Variants in TENM3 observed in about 807,000 individuals in gnomAD.
The protein encoded by TENM3 is teneurin-3.
TENM3 carries 63 observed loss-of-function variants against 255.1 expected under a neutral mutation model. The ratio of observed to expected loss-of-function variants is 0.25; its 90% CI spans 0.20 to 0.30. TENM3 has a LOEUF of 0.30. Among genes scored for constraint, TENM3 ranks in the 10% least tolerant of loss-of-function variants. The probability of loss-of-function intolerance (pLI) is 1.00; values close to 1 mark genes in which losing one functional copy is unlikely to be tolerated. For missense variants in TENM3, 2,929 were observed against 3,461.1 expected (o/e 0.85, Z 3.86); for synonymous variants, 1,306 against 1,322.3 (o/e 0.99, Z 0.27).
chr4:181,571,364 TCTCA>T, the TENM3 span, among the ~76,000 whole-genome samples: 2 of 152,166 alleles, frequency 1.3e-5, no homozygotes, highest in East Asian at 1.9e-4. Context: ...AAAGACAGGG[TCTCA>T]CTCTGTTGCC....
At chr4:182,149,848 A>G (rs1300543978) in intron 1 of TENM3, among the ~76,000 whole-genome samples, 2 of 152,038 alleles carry the variant, frequency 1.3e-5, no homozygotes, top group Non-Finnish European at 2.9e-5. Flanking sequence ...ATTACTTACT[A>G]TTTGACCCAC....
At chr4:182,193,698 A>T (rs1371348688) in intron 1 of TENM3, among the ~76,000 whole-genome samples, 7 of 152,190 alleles carry the variant, frequency 4.6e-5, no homozygotes, top group Non-Finnish European at 1.0e-4. Flanking sequence ...ATTTGGGTAG[A>T]TGTGGATTTG....
At chr4:181,656,793 T>G in the TENM3 span, among the ~76,000 whole-genome samples, 2 of 152,146 alleles carry the variant, frequency 1.3e-5, no homozygotes, top group South Asian at 4.1e-4. Flanking sequence ...CAGAAACATC[T>G]CAAGGAAGCC....
chr4:181,931,451 C>T, the TENM3 span, among the ~76,000 whole-genome samples: 1 of 152,152 alleles, frequency 6.6e-6, no homozygotes, highest in African/African-American at 2.4e-5. Context: ...AGGAATACAA[C>T]TTACAAGGGA....
rs866246230 is a variant in TENM3 at position 182,784,292 on chromosome 4, G to A, written c.5305-4801G>A. ...CTAACAGAGAGGACCCTCAGCTGCA[G>A]GTCTGTTGGAATACCCTGCCGTGTG... On this transcript the variant is annotated intron_variant, in intron 24 of 27. Transcript: ENST00000511685. Among the ~76,000 whole-genome samples the A allele has an allele frequency of 1.4e-3, 220 of 152,032 alleles. 1 individual carries two copies. Among genetic ancestry groups the A allele is most frequent in the Middle Eastern group, 6.8e-3 (2 of 294 alleles).
At chr4:182,475,185 CT>C (rs1441890951) in intron 3 of TENM3, among the ~76,000 whole-genome samples, 1 of 152,142 alleles carries the variant, frequency 6.6e-6, no homozygotes, top group Admixed American at 6.6e-5. Context: ...AGGTTACCCC[CT>C]GGTTTGGTAT....
the TENM3 span, among the ~76,000 whole-genome samples, chr4:182,124,508 G>T: frequency 3.9e-5 from 6 of 152,204 alleles, no homozygotes; most frequent in African/African-American, 1.4e-4. Flanking sequence ...CTACAGTGTT[G>T]TTCACCAAGG....
the TENM3 span, among the ~76,000 whole-genome samples, chr4:181,974,893 T>C: frequency 2.6e-5 from 4 of 152,300 alleles, no homozygotes; most frequent in East Asian, 1.9e-4. Context: ...CACCCAAATA[T>C]TGAACATTGT....
At chr4:181,908,730 G>A in the TENM3 span, among the ~76,000 whole-genome samples, 1 of 152,260 alleles carries the variant, frequency 6.6e-6, no homozygotes, top group South Asian at 2.1e-4. Flanking sequence ...TATGGAGTTT[G>A]TAGGAAGTTT....
chr4:182,775,580 C>G (rs572438307), intron 24 of TENM3, among the ~76,000 whole-genome samples: 1 of 152,168 alleles, frequency 6.6e-6, no homozygotes, highest in Non-Finnish European at 1.5e-5. Context: ...CTTCCCAGGG[C>G]CCCTGCTGCC....
the TENM3 span, among the ~76,000 whole-genome samples, chr4:181,961,866 A>G: frequency 7.9e-5 from 12 of 152,308 alleles, no homozygotes; most frequent in African/African-American, 2.6e-4. Context: ...ACTGCTGCTA[A>G]GTTTTACTTT....
intron 3 of TENM3, among the ~76,000 whole-genome samples, chr4:182,358,588 A>T (rs1415972882): frequency 6.6e-6 from 1 of 151,936 alleles, no homozygotes; most frequent in African/African-American, 2.4e-5. Context: ...GACTTTGCTG[A>T]GGTTGCTTAT....
the TENM3 span, among the ~76,000 whole-genome samples, chr4:181,826,805 G>C: frequency 6.6e-6 from 1 of 152,280 alleles, no homozygotes; most frequent in Non-Finnish European, 1.5e-5. Flanking sequence ...TTCTTTAAAA[G>C]CTCCCCAGAC....
At position 182,534,922 on chromosome 4, in the gene TENM3, T is replaced by C. The variant is rs185406205; in HGVS notation, c.512-66002T>C. On this transcript the variant is annotated intron_variant, in intron 3 of 27. Transcript: ENST00000511685. ...ATGTGCCAGATTACAAAATGGATCT[T>C]TTTTCCTCTTATACTATGTAGCACC... 9.2e-5 allele frequency among the ~76,000 whole-genome samples: 14 copies of C among 152,338 alleles called. No homozygotes were observed. In the East Asian group the frequency reaches 1.9e-3, roughly 21 times the overall value.
At chr4:182,426,326 T>C (rs1771219966) in intron 3 of TENM3, among the ~76,000 whole-genome samples, 1 of 152,158 alleles carries the variant, frequency 6.6e-6, no homozygotes, top group Non-Finnish European at 1.5e-5. Flanking sequence ...TTTGGAATCT[T>C]TGACTTTGAA....
intron 3 of TENM3, among the ~76,000 whole-genome samples, chr4:182,542,707 T>C (rs139968391): frequency 6.6e-6 from 1 of 152,326 alleles, no homozygotes; most frequent in African/African-American, 2.4e-5. Context: ...AAGTTTCGGA[T>C]TCACCTTGTT....
the TENM3 span, among the ~76,000 whole-genome samples, chr4:181,732,783 C>A: frequency 1.4e-5 from 2 of 148,120 alleles, no homozygotes; most frequent in Non-Finnish European, 3.0e-5. Context: ...AGTAGGGGGG[C>A]GGGGGATGAG....
At chr4:182,084,502 T>A in the TENM3 span, among the ~76,000 whole-genome samples, 2 of 152,214 alleles carry the variant, frequency 1.3e-5, no homozygotes, top group African/African-American at 4.8e-5. Flanking sequence ...TTTCTCAAGT[T>A]GGTTTTTCAC....
At chr4:182,111,365 G>A in the TENM3 span, among the ~76,000 whole-genome samples, 1 of 151,994 alleles carries the variant, frequency 6.6e-6, no homozygotes, top group Non-Finnish European at 1.5e-5. Flanking sequence ...ACTCACTGAG[G>A]CCTTTTAATT....
Sources: allele counts gnomAD v4.1 joint callset (sites outside exome capture counted in the v4.1 genomes callset), GRCh38; gene constraint gnomAD v4.1.1; transcripts MANE v1.5; gene names NCBI Gene and HGNC (gene_info 2026-07-23, HGNC 2026-07-21).